ZNF74: variants seen among roughly 807,000 people sequenced by gnomAD.
ZNF74 encodes zinc finger protein 520.
Under a neutral mutation model 17.7 loss-of-function variants are expected in ZNF74, and 12 were observed. The observed-to-expected ratio is 0.68, with a 90% CI of 0.43 to 1.10. ZNF74 has a LOEUF of 1.10. Ranked by LOEUF, ZNF74 falls within the 50% of genes least tolerant of loss-of-function variation. ZNF74 has a pLI of 0.00. For synonymous variants in ZNF74, 358 were observed against 362.1 expected, an observed-to-expected ratio of 0.99 and a Z score of 0.13; for missense variants, 811 against 881.0, an observed-to-expected ratio of 0.92 and a Z score of 1.01.
At chr22:20,400,452 C>T (rs982851557) in intron 2 of ZNF74, 180 bp from the exon 3 acceptor site, 11 of 656,820 alleles carry the variant, frequency 1.7e-5, no homozygotes, top group Admixed American at 4.9e-5. Flanking sequence ...TTCCCAGCCC[C>T]CCTCCCTGCC....
Position 20,394,322 on chromosome 22 carries a change from T to G in ZNF74, c.-307T>G. The G allele has an allele frequency of 1.4e-6, 1 of 697,668 alleles. No individual in the cohort carries two copies. Among genetic ancestry groups the G allele is most frequent in the South Asian group, 1.5e-5 (1 of 66,588 alleles). 43.2% of individuals were successfully genotyped at this position (697,668 alleles called of 1,614,324 possible). On this transcript the variant is annotated 5_prime_UTR_variant, in exon 1 of 5. Transcript: ENST00000400451. Reference sequence around the variant, plus strand: ...CGCGGAACCTTAGGCCTGGCCCTGGTCTCCGAGCGCGGGTTCGCCGGGAGG... The same window carrying G: ...CGCGGAACCTTAGGCCTGGCCCTGGGCTCCGAGCGCGGGTTCGCCGGGAGG...
rs944368269 is a variant in ZNF74 at position 20,406,556 on chromosome 22, C to T, written c.1523C>T (p.Ala508Val). ...TTCGACTGCAGCCAGTGTTGGAAGGCCTTCAGCTGCCACTCGTCCCTCATC... is the reference window on the plus strand; with the variant it reads ...TTCGACTGCAGCCAGTGTTGGAAGGTCTTCAGCTGCCACTCGTCCCTCATC... The part of the protein sequence containing the change: ...KPFDCSQCWK[A>V]FSCHSSLIVH... Residue 508 changes from alanine (A) to valine (V), a missense_variant, in exon 5 of 5, where the codon GCC (alanine) becomes GTC (valine). Coordinates refer to ENST00000400451, the MANE Select transcript of ZNF74 (RefSeq NM_003426.4). 8.7e-6 allele frequency: 14 copies of T among 1,613,822 alleles called. No homozygotes were observed. The highest frequency in any genetic ancestry group is 1.0e-5 in the Non-Finnish European group (12 of 1,179,968).
chr22:20,407,158 A>G lies in ZNF74; in HGVS notation c.*190A>G. 1 of 818,520 alleles carries G rather than the reference A, an allele frequency of 1.2e-6. No individual in the cohort carries two copies. The highest frequency in any genetic ancestry group is 1.8e-6 in the Non-Finnish European group (1 of 541,700). The allele number at this position is 818,520 out of a possible 1,614,324, so 50.7% of individuals were successfully genotyped here. On this transcript the variant is annotated 3_prime_UTR_variant, in exon 5 of 5. Transcript: ENST00000400451. Reference sequence around the variant, plus strand: ...TCAGTCACCTCCCCAGAAGGGCCACACTCCAGGAGGAGTGTTGAGAGTCAT... The same window carrying G: ...TCAGTCACCTCCCCAGAAGGGCCACGCTCCAGGAGGAGTGTTGAGAGTCAT...
In ZNF74 at chr22:20,406,928, C is replaced by T. The variant is rs1295858372; in HGVS notation, c.1895C>T (p.Ala632Val). The T allele has an allele frequency of 3.7e-6, 6 of 1,613,702 alleles. No homozygotes were observed. Among genetic ancestry groups the T allele is most frequent in the Admixed American group, 1.7e-5 (1 of 60,012 alleles). ...AKLLCVVPPRAGRNFSLGSKP... is the reference protein window; with the variant it reads ...AKLLCVVPPRVGRNFSLGSKP... ...CTCTTGTGCGTGGTTCCCCCCAGAGCTGGCAGGAATTTCTCCCTGGGGAGC... is the reference window on the plus strand; with the variant it reads ...CTCTTGTGCGTGGTTCCCCCCAGAGTTGGCAGGAATTTCTCCCTGGGGAGC... The change falls in exon 5 of 5, where the codon GCT (alanine) becomes GTT (valine). Residue 632 changes from alanine (A) to valine (V), a missense_variant. Transcript: ENST00000400451.
Position 20,401,094 on chromosome 22 carries a change from T to C in ZNF74, c.248-183T>C. 2 of 601,824 alleles carry C rather than the reference T, an allele frequency of 3.3e-6. No homozygotes were observed. Among genetic ancestry groups the C allele is most frequent in the South Asian group, 4.0e-5 (2 of 50,042 alleles). 37.3% of individuals were successfully genotyped at this position (601,824 alleles called of 1,614,324 possible). On this transcript the variant is annotated intron_variant, in intron 3 of 4. Transcript: ENST00000400451. The surrounding 1 kb of genome is among the most constrained non-coding windows in gnomAD (Gnocchi z 4.2). Reference sequence around the variant, plus strand: ...AAGGACGTCAGCACACGTGGGGTCTTCAGAGTATACACTGGGATTTGGGTT... The same window carrying C: ...AAGGACGTCAGCACACGTGGGGTCTCCAGAGTATACACTGGGATTTGGGTT...
intron 1 of ZNF74, 114 bp downstream of exon 1, chr22:20,394,776 T>TTTTA: frequency 1.0e-6 from 1 of 1,003,644 alleles, no homozygotes; most frequent in African/African-American, 1.6e-5. Context: ...TTTTTTTTTT[T>TTTTA]AAATGGAATC....
In ZNF74 at chr22:20,406,862, T is replaced by C. The variant is rs1245638088; in HGVS notation, c.1829T>C (p.Leu610Pro). The part of the protein sequence containing the change: ...GSLLGAGDAG[L>P]RDVDPIDALD... ...CTGCTGGGTGCAGGGGATGCTGGACTGAGGGACGTGGATCCCATCGACGCG... is the reference window on the plus strand; with the variant it reads ...CTGCTGGGTGCAGGGGATGCTGGACCGAGGGACGTGGATCCCATCGACGCG... Residue 610 changes from leucine to proline, a missense_variant, in exon 5 of 5, where the codon CTG (leucine) becomes CCG (proline). By Grantham distance (98) the Leu-to-Pro change is moderately conservative. Transcript: ENST00000400451. 1 of 1,613,970 alleles carries C rather than the reference T, an allele frequency of 6.2e-7. No individual in the cohort carries two copies. Among genetic ancestry groups the C allele is most frequent in the East Asian group, 2.2e-5 (1 of 44,906 alleles).
chr22:20,406,465 G>A lies in ZNF74; in HGVS notation c.1432G>A (p.Gly478Ser), dbSNP rs762677659. 1 of 1,613,864 alleles carries A rather than the reference G, an allele frequency of 6.2e-7. No homozygotes were observed. Among genetic ancestry groups the A allele is most frequent in the East Asian group, 2.2e-5 (1 of 44,844 alleles). ...GAAGCCCTTCAAGTGCAACGAGTGC[G>A]GCAAAGCCTTCAGCTCCCACGCCTA... ...GEKPFKCNEC[G>S]KAFSSHAYLI... is the part of the protein sequence containing the mutation. The change falls in exon 5 of 5, where the codon GGC (glycine) becomes AGC (serine). Residue 478 changes from glycine (G) to serine (S), a missense_variant. Around this residue, in one of 3 missense-constraint regions of ZNF74, gnomAD observed 666 missense variants for 702.3 expected, o/e 0.95. Coordinates refer to ENST00000400451, the MANE Select transcript of ZNF74 (RefSeq NM_003426.4).
chr22:20,402,138 C>G (rs1025126325), intron 4 of ZNF74, among the ~76,000 whole-genome samples: 2 of 152,188 alleles, frequency 1.3e-5, no homozygotes, highest in Non-Finnish European at 2.9e-5. Flanking sequence ...TCGAGAAACA[C>G]CTTTCTGTGG....
chr22:20,396,560 G>C (rs915102164), intron 2 of ZNF74, among the ~76,000 whole-genome samples: 3 of 151,778 alleles, frequency 2.0e-5, no homozygotes, highest in African/African-American at 7.3e-5. Context: ...CCTTCAAATG[G>C]TTCAGCAAAA....
chr22:20,407,095 A>C lies in ZNF74; in HGVS notation c.*127A>C. The C allele has an allele frequency of 1.4e-6, 2 of 1,402,740 alleles. No homozygotes were observed. Among genetic ancestry groups the C allele is most frequent in the Non-Finnish European group, 1.9e-6 (2 of 1,068,000 alleles). 86.9% of individuals were successfully genotyped at this position (1,402,740 alleles called of 1,614,324 possible). ...GTGGGAGCCTTGCCTTATCACCCCC[A>C]TCAGGTCTGCATGCCAGGGTGCCTC... On this transcript the variant is annotated 3_prime_UTR_variant, in exon 5 of 5. Transcript: ENST00000400451.
chr22:20,405,395 T>TG lies in ZNF74; in HGVS notation c.363dup (p.Pro122AlafsTer87). On this transcript the variant is annotated frameshift_variant, in exon 5 of 5. Transcript: ENST00000400451. LOFTEE classifies it low-confidence loss of function (END_TRUNC). ...CTTACAGAATGGGAGCTGAAGGCGG[T>TG]GCCCTCTCAACAGCAGGGCATTTGC... The TG allele has an allele frequency of 6.2e-7, 1 of 1,608,282 alleles. No individual in the cohort carries two copies. The highest frequency in any genetic ancestry group is 1.1e-5 in the South Asian group (1 of 90,434).
chr22:20,397,299 G>T (rs2052306138), intron 2 of ZNF74, among the ~76,000 whole-genome samples: 1 of 152,140 alleles, frequency 6.6e-6, no homozygotes, highest in African/African-American at 2.4e-5. Flanking sequence ...CTTCATGCCT[G>T]CATGCCTCAG....
At position 20,394,596 on chromosome 22, in the gene ZNF74, C is replaced by A; in HGVS notation, c.-33C>A. 1 of 1,613,492 alleles carries A rather than the reference C, an allele frequency of 6.2e-7. No homozygotes were observed. The highest frequency in any genetic ancestry group is 8.5e-7 in the Non-Finnish European group (1 of 1,179,452). ...CTGGATCCTGGAGGCTACACAGCTGCCCACTCCTCCTGGGGAGGCTGCCGT... is the reference window on the plus strand; with the variant it reads ...CTGGATCCTGGAGGCTACACAGCTGACCACTCCTCCTGGGGAGGCTGCCGT... On this transcript the variant is annotated 5_prime_UTR_variant, in exon 1 of 5. Coordinates refer to ENST00000400451, the MANE Select transcript of ZNF74 (RefSeq NM_003426.4).
rs370304345 is a variant in ZNF74, at chr22:20,406,848, A to C, written c.1815A>C (p.Ala605=). 7.4e-6 allele frequency: 12 copies of C among 1,613,936 alleles called. No homozygotes were observed. The African/African-American group carries it at 1.5e-4, about 20-fold the overall frequency. The change falls in exon 5 of 5, where the codon GCA becomes GCC. Residue 605 remains alanine, a synonymous_variant. Coordinates refer to ENST00000400451, the MANE Select transcript of ZNF74 (RefSeq NM_003426.4). The part of the protein sequence containing the change: ...TYYVPGSLLG[A]GDAGLRDVDP... ...ACGTGCCTGGCAGCCTGCTGGGTGCAGGGGATGCTGGACTGAGGGACGTGG... is the reference window on the plus strand; with the variant it reads ...ACGTGCCTGGCAGCCTGCTGGGTGCCGGGGATGCTGGACTGAGGGACGTGG...
intron 4 of ZNF74, 86 bp from the exon 5 acceptor site, chr22:20,405,291 A>G (rs954990078): frequency 3.5e-6 from 5 of 1,413,272 alleles, no homozygotes; most frequent in Admixed American, 4.4e-5. Context: ...TTCTGGGCTT[A>G]TCTGCATCTC....
In ZNF74 at chr22:20,406,696, T is replaced by G. The variant is rs1210943213; in HGVS notation, c.1663T>G (p.Ser555Ala). 1.9e-6 allele frequency: 3 copies of G among 1,614,082 alleles called. No individual in the cohort carries two copies. The South Asian group carries it at 3.3e-5, about 18-fold the overall frequency. The change falls in exon 5 of 5, where the codon TCG (serine) becomes GCG (alanine). Residue 555 changes from serine to alanine, a missense_variant. Transcript: ENST00000400451. Reference protein sequence around the residue: ...KHQKIHSGEKSFKCEKCGEMF... With the variant: ...KHQKIHSGEKAFKCEKCGEMF... Reference sequence around the variant, plus strand: ...TCAGAAAATCCACTCCGGGGAGAAGTCGTTTAAGTGTGAGAAATGTGGGGA... The same window carrying G: ...TCAGAAAATCCACTCCGGGGAGAAGGCGTTTAAGTGTGAGAAATGTGGGGA...
chr22:20,400,019 G>A (rs939348600), intron 2 of ZNF74: 1 of 157,418 alleles, frequency 6.4e-6, no homozygotes. Flanking sequence ...AAGGATCAAA[G>A]CAAGTCTGGA....
At position 20,406,604 on chromosome 22, in the gene ZNF74, G is replaced by A. The variant is rs2052433149; in HGVS notation, c.1571G>A (p.Gly524Asp). 1 of 1,614,146 alleles carries A rather than the reference G, an allele frequency of 6.2e-7. No individual in the cohort carries two copies. Among genetic ancestry groups the A allele is most frequent in the Admixed American group, 1.7e-5 (1 of 60,012 alleles). The change falls in exon 5 of 5, where the codon GGT becomes GAT. Residue 524 changes from glycine (G) to aspartate (D), a missense_variant. Gly to Asp is a moderately conservative substitution (Grantham distance 94). Around this residue, in one of 3 missense-constraint regions of ZNF74, gnomAD observed 30 missense variants for 59.2 expected, o/e 0.51. Coordinates refer to ENST00000400451, the MANE Select transcript of ZNF74 (RefSeq NM_003426.4). ...ATCGTGCACCAGCGCATCCACACCG[G>A]TGAGAAGCCCTACAAGTGCAGCGAG... The part of the protein sequence containing the change: ...SLIVHQRIHT[G>D]EKPYKCSECG...
Sources: gnomAD v4.1 joint callset for allele counts (sites outside exome capture counted in the v4.1 genomes callset) on GRCh38, gnomAD v4.1.1 for gene constraint, gnomAD v4.1.1 regional missense constraint, Gnocchi (gnomAD v3.1) non-coding constraint, MANE v1.5 for transcripts, NCBI Gene and HGNC (gene_info 2026-07-23, HGNC 2026-07-21) for gene names.